LIN9: variants seen among roughly 807,000 people sequenced by gnomAD.
The protein encoded by LIN9 is protein lin-9 homolog.
A neutral mutation model predicts 78.0 loss-of-function variants in LIN9; 18 were observed. That is an observed-to-expected ratio of 0.23 (90% CI 0.16 to 0.34). The LOEUF is 0.34. LIN9 is among the 10% of genes least tolerant of loss of function. LIN9 has a pLI of 1.00. For synonymous variants in LIN9, 192 were observed against 215.2 expected (o/e 0.89, Z 0.94); for missense variants, 451 against 644.1 (o/e 0.70, Z 3.25).
intron 10 of LIN9, among the ~76,000 whole-genome samples, chr1:226,255,450 T>G (rs1438918328): frequency 6.6e-6 from 1 of 152,118 alleles, no homozygotes; most frequent in Non-Finnish European, 1.5e-5. Context: ...GAGGTGCATT[T>G]GTGAAGTTCA....
At chr1:226,301,830 G>A (rs141793926) in intron 1 of LIN9, among the ~76,000 whole-genome samples, 266 of 152,330 alleles carry the variant, frequency 1.7e-3, no homozygotes, top group African/African-American at 5.9e-3. Context: ...TGCTTTGGAA[G>A]GCCAAGGTGG....
At chr1:226,234,882 C>T (rs1373672966) in intron 12 of LIN9, among the ~76,000 whole-genome samples, 3 of 146,044 alleles carry the variant, frequency 2.1e-5, no homozygotes, top group African/African-American at 4.9e-5. Flanking sequence ...ACCTGGCTCG[C>T]GTTATCCTAA....
intron 6 of LIN9, among the ~76,000 whole-genome samples, chr1:226,278,482 C>T (rs1176635907): frequency 6.6e-6 from 1 of 151,834 alleles, no homozygotes; most frequent in Non-Finnish European, 1.5e-5. Context: ...CATCTCACCA[C>T]TCCTTTTTTT....
At chr1:226,249,607 C>T (rs115627580) in intron 11 of LIN9, among the ~76,000 whole-genome samples, 4 of 152,116 alleles carry the variant, frequency 2.6e-5, no homozygotes, top group Non-Finnish European at 4.4e-5. Flanking sequence ...CACACCTATA[C>T]CCTTATAACA....
At chr1:226,287,033 G>T (rs540615947) in intron 5 of LIN9, among the ~76,000 whole-genome samples, 2 of 152,284 alleles carry the variant, frequency 1.3e-5, no homozygotes, top group Non-Finnish European at 2.9e-5. Flanking sequence ...ACATTCATGA[G>T]ATTCACAAGC....
At chr1:226,277,371 G>C (rs186692862) in intron 7 of LIN9, among the ~76,000 whole-genome samples, 230 of 152,192 alleles carry the variant, frequency 1.5e-3, no homozygotes, top group Non-Finnish European at 3.4e-4. Context: ...TTAAAAAATA[G>C]ATTTCATGCA....
At chr1:226,308,298 T>G (rs796240086) in intron 1 of LIN9, among the ~76,000 whole-genome samples, 1 of 152,194 alleles carries the variant, frequency 6.6e-6, no homozygotes, top group African/African-American at 2.4e-5. Context: ...ATGTCTTAGA[T>G]GTCAGGGTGA....
chr1:226,232,382 G>A lies in LIN9; in HGVS notation c.*119C>T, dbSNP rs951087088. 5.1e-6 allele frequency: 3 copies of A among 593,700 alleles called. No individual in the cohort carries two copies. The highest frequency in any genetic ancestry group is 5.8e-6 in the Non-Finnish European group (2 of 342,342). The allele number at this position is 593,700 out of a possible 1,614,324, so 36.8% of individuals were successfully genotyped here. On this transcript the variant is annotated 3_prime_UTR_variant, in exon 15 of 15. Coordinates refer to ENST00000681046, the MANE Select transcript of LIN9 (RefSeq NM_001366245.2). The stretch of plus-strand genomic sequence containing the variant: ...TACAGTCTATTAAAATGCCTTATTT[G>A]GAGATTTAAATTTCCCTTGTTTTCC...
At chr1:226,239,434 G>A (rs906275463) in intron 11 of LIN9, among the ~76,000 whole-genome samples, 2 of 152,190 alleles carry the variant, frequency 1.3e-5, no homozygotes, top group East Asian at 3.8e-4. Flanking sequence ...TTGTTAAACC[G>A]TATGTCCTCA....
intron 1 of LIN9, among the ~76,000 whole-genome samples, chr1:226,301,911 T>A (rs957335224): frequency 6.6e-6 from 1 of 152,002 alleles, no homozygotes; most frequent in Non-Finnish European, 1.5e-5. Flanking sequence ...TCTAAAAAAA[T>A]GTTTTTAATT....
At chr1:226,287,819 T>A in intron 4 of LIN9, 22 bp from the exon 5 acceptor site, 1 of 1,501,776 alleles carries the variant, frequency 6.7e-7, no homozygotes, top group Non-Finnish European at 8.9e-7. Context: ...AAAAAAGAGA[T>A]TAATTTATGG....
At chr1:226,279,156 G>A (rs1309348008) in intron 6 of LIN9, among the ~76,000 whole-genome samples, 3 of 151,562 alleles carry the variant, frequency 2.0e-5, no homozygotes, top group African/African-American at 4.9e-5. Flanking sequence ...GCGAGACTCC[G>A]TCTTGGGGGA....
intron 11 of LIN9, among the ~76,000 whole-genome samples, chr1:226,244,231 G>A (rs1658311849): frequency 7.0e-6 from 1 of 143,402 alleles, no homozygotes; most frequent in East Asian, 2.5e-4. Context: ...AGGAGTTAAA[G>A]ACTAGCCTGG....
intron 10 of LIN9, among the ~76,000 whole-genome samples, chr1:226,264,810 C>T (rs1659815427): frequency 6.6e-6 from 1 of 152,138 alleles, no homozygotes; most frequent in African/African-American, 2.4e-5. Flanking sequence ...GACTGACCCA[C>T]TGCACTCCAG....
chr1:226,267,863 T>A, intron 8 of LIN9, 94 bp downstream of exon 8: 1 of 1,305,366 alleles, frequency 7.7e-7, no homozygotes, highest in Non-Finnish European at 1.0e-6. Context: ...TGAGATAAAG[T>A]CTTGATTCTA....
intron 1 of LIN9, among the ~76,000 whole-genome samples, chr1:226,306,809 C>G (rs1001881488): frequency 2.4e-4 from 36 of 152,264 alleles, no homozygotes; most frequent in African/African-American, 8.4e-4. Flanking sequence ...TTTTCCTTTT[C>G]AAGACCCTGC....
intron 1 of LIN9, among the ~76,000 whole-genome samples, chr1:226,303,679 CA>C (rs1662709961): frequency 6.6e-6 from 1 of 152,150 alleles, no homozygotes; most frequent in Non-Finnish European, 1.5e-5. Context: ...AATCTCAGCT[CA>C]CTGCAACCTC....
At position 226,250,936 on chromosome 1, in the gene LIN9, A is replaced by C. The variant is rs1322008233; in HGVS notation, c.1039-17T>G. On this transcript the variant is annotated splice_polypyrimidine_tract_variant and intron_variant, in intron 10 of 14. Transcript: ENST00000681046. Reference sequence around the variant, plus strand: ...TAATCTGGTCTACAGACAAAGAAGAAATATTTTAGAATAAACAGAGGCATT... The same window carrying C: ...TAATCTGGTCTACAGACAAAGAAGACATATTTTAGAATAAACAGAGGCATT... 8.0e-7 allele frequency: 1 copy of C among 1,254,418 alleles called. No homozygotes were observed. The highest frequency in any genetic ancestry group is 2.0e-5 in the Admixed American group (1 of 50,422). 77.7% of individuals were successfully genotyped at this position (1,254,418 alleles called of 1,614,324 possible).
intron 1 of LIN9, among the ~76,000 whole-genome samples, chr1:226,307,842 A>C (rs1663015299): frequency 6.6e-6 from 1 of 152,240 alleles, no homozygotes; most frequent in Admixed American, 6.5e-5. Context: ...ACATATGGCT[A>C]GTAGCTTGGC....
Sources: gnomAD v4.1 joint callset for allele counts (sites outside exome capture counted in the v4.1 genomes callset) on GRCh38, gnomAD v4.1.1 for gene constraint, MANE v1.5 for transcripts, NCBI Gene and HGNC (gene_info 2026-07-23, HGNC 2026-07-21) for gene names.